The following OTOGL variants were observed in gnomAD, a reference collection of about 807,000 sequenced individuals.
The protein encoded by OTOGL is otogelin like.
A neutral mutation model predicts 318.5 loss-of-function variants in OTOGL; 285 were observed. The observed-to-expected ratio is 0.89, with a 90% confidence interval of 0.81 to 0.99. The LOEUF (loss-of-function observed/expected upper bound fraction) is 0.99, where lower values mean the gene tolerates loss of function less well. Among genes scored for constraint, OTOGL ranks in the 50% least tolerant of loss-of-function variants. The pLI is 0.00. For missense variants in OTOGL, 2,899 were observed against 2,845.6 expected, an observed-to-expected ratio of 1.02 and a Z score of -0.43; for synonymous variants, 987 against 936.5, an observed-to-expected ratio of 1.05 and a Z score of -0.99.
intron 7 of OTOGL, among the ~76,000 whole-genome samples, chr12:80,228,925 C>A (rs1434283043): frequency 1.3e-5 from 2 of 152,086 alleles, no homozygotes; most frequent in African/African-American, 2.4e-5. Flanking sequence ...ATACGGATGA[C>A]AAATGTGCTT....
intron 26 of OTOGL, among the ~76,000 whole-genome samples, chr12:80,289,617 T>C (rs1884890124): frequency 6.6e-6 from 1 of 152,122 alleles, no homozygotes; most frequent in African/African-American, 2.4e-5. Context: ...TCCAGAGAGG[T>C]AGTCTGGCCA....
At chr12:80,157,237 T>C (rs1457095421) in intron 1 of OTOGL, among the ~76,000 whole-genome samples, 2 of 152,212 alleles carry the variant, frequency 1.3e-5, no homozygotes, top group Non-Finnish European at 2.9e-5. Flanking sequence ...TTGTATGTCT[T>C]CTTTTGAGAA....
intron 26 of OTOGL, among the ~76,000 whole-genome samples, chr12:80,281,290 G>A (rs1884219451): frequency 6.6e-6 from 1 of 151,654 alleles, no homozygotes; most frequent in Non-Finnish European, 1.5e-5. Context: ...AGTGGAATTG[G>A]GTCCAGCTTT....
rs1282165678 is a variant in OTOGL, at chr12:80,238,885, T to C, written c.852T>C (p.Asn284=). ...CAGAAGACATCGCTATGTTTGCAAATAGTTGGTCGGTGCAAACTCCAGATG... is the reference window on the plus strand; with the variant it reads ...CAGAAGACATCGCTATGTTTGCAAACAGTTGGTCGGTGCAAACTCCAGATG... The part of the protein sequence containing the change: ...DYTEDIAMFA[N]SWSVQTPDDT... The change falls in exon 10 of 59, where the codon AAT becomes AAC. Residue 284 remains asparagine (N), a synonymous_variant. Coordinates refer to ENST00000547103, the MANE Select transcript of OTOGL (RefSeq NM_001378609.3). The C allele has an allele frequency of 6.4e-7, 1 of 1,573,618 alleles. No homozygotes were observed. Among genetic ancestry groups the C allele is most frequent in the Non-Finnish European group, 8.6e-7 (1 of 1,165,678 alleles).
intron 1 of OTOGL, among the ~76,000 whole-genome samples, chr12:80,194,527 A>G (rs1237353199): frequency 6.6e-6 from 1 of 152,178 alleles, no homozygotes; most frequent in Non-Finnish European, 1.5e-5. Context: ...TCCCATAACC[A>G]AAAACATAAT....
At chr12:80,276,766 T>A (rs1299094101) in intron 24 of OTOGL, among the ~76,000 whole-genome samples, 1 of 151,660 alleles carries the variant, frequency 6.6e-6, no homozygotes, top group Non-Finnish European at 1.5e-5. Context: ...TATAAATACG[T>A]TTCTTCAGTT....
intron 52 of OTOGL, among the ~76,000 whole-genome samples, chr12:80,359,400 A>G (rs1360851345): frequency 2.6e-5 from 4 of 152,206 alleles, no homozygotes; most frequent in Non-Finnish European, 5.9e-5. Flanking sequence ...CCTTAAATGT[A>G]TCCCGTGGTA....
Position 80,328,682 on chromosome 12 carries a change from C to A in OTOGL, c.4217C>A (p.Pro1406His). Residue 1406 changes from proline to histidine, a missense_variant, in exon 36 of 59, where the codon CCC becomes CAC. Pro to His is a moderately conservative substitution (Grantham distance 77). Transcript: ENST00000547103. Reference protein sequence around the residue: ...KFLPPVEGCLPYCPKNMILDE... With the variant: ...KFLPPVEGCLHYCPKNMILDE... Reference sequence around the variant, plus strand: ...ATGTAAAGGGTTGAAGGATGCTTGCCCTACTGCCCTAAAAATATGATCCTT... The same window carrying A: ...ATGTAAAGGGTTGAAGGATGCTTGCACTACTGCCCTAAAAATATGATCCTT... 2 of 1,603,774 alleles carry A rather than the reference C, an allele frequency of 1.2e-6. No individual in the cohort carries two copies. Among genetic ancestry groups the A allele is most frequent in the Non-Finnish European group, 1.7e-6 (2 of 1,170,990 alleles).
chr12:80,369,826 G>A (rs1039345634), intron 55 of OTOGL, among the ~76,000 whole-genome samples: 1 of 151,920 alleles, frequency 6.6e-6, no homozygotes, highest in Non-Finnish European at 1.5e-5. Context: ...AAAAAGAGAC[G>A]AATTTTCCAT....
intron 9 of OTOGL, among the ~76,000 whole-genome samples, chr12:80,236,816 C>CTTTT (rs1376942990): frequency 7.3e-6 from 1 of 137,626 alleles, no homozygotes; most frequent in African/African-American, 2.7e-5. Flanking sequence ...TTTTTCTTTT[C>CTTTT]TTTTTTTTTT....
intron 11 of OTOGL, among the ~76,000 whole-genome samples, chr12:80,247,271 G>A (rs1880997890): frequency 6.7e-6 from 1 of 148,724 alleles, no homozygotes; most frequent in African/African-American, 2.6e-5. Context: ...GTCAATTTTG[G>A]ATCTTTCCTG....
intron 1 of OTOGL, among the ~76,000 whole-genome samples, chr12:80,166,552 AC>A (rs1357057960): frequency 6.6e-6 from 1 of 152,198 alleles, no homozygotes; most frequent in Non-Finnish European, 1.5e-5. Context: ...TTTGATAAAT[AC>A]CTAACTTCTG....
chr12:80,125,043 C>T (rs943895378), intron 1 of OTOGL, among the ~76,000 whole-genome samples: 1 of 152,184 alleles, frequency 6.6e-6, no homozygotes, highest in African/African-American at 2.4e-5. Context: ...CTTCTCCTGC[C>T]TAATGGCCCT....
At chr12:80,257,626 G>A (rs1191211740) in intron 17 of OTOGL, among the ~76,000 whole-genome samples, 199 bp from the exon 18 acceptor site, 1 of 151,978 alleles carries the variant, frequency 6.6e-6, no homozygotes, top group Non-Finnish European at 1.5e-5. Flanking sequence ...AGGAAGGAGG[G>A]AGAAAAGGAG....
chr12:80,377,306 C>A (rs901924924), intron 58 of OTOGL, 104 bp downstream of exon 58: 1 of 683,044 alleles, frequency 1.5e-6, no homozygotes, highest in Non-Finnish European at 2.4e-6. Flanking sequence ...CAACGCTTAA[C>A]AATATTTAAC....
intron 24 of OTOGL, among the ~76,000 whole-genome samples, chr12:80,275,624 C>T (rs1384852486): frequency 6.6e-6 from 1 of 151,828 alleles, no homozygotes; most frequent in Non-Finnish European, 1.5e-5. Flanking sequence ...AGGTAAAACA[C>T]TATCAAATGC....
At chr12:80,344,055 G>A (rs1242075138) in intron 44 of OTOGL, among the ~76,000 whole-genome samples, 3 of 152,158 alleles carry the variant, frequency 2.0e-5, no homozygotes, top group African/African-American at 7.2e-5. Context: ...AAAGACGAAA[G>A]TATGAAGTCA....
chr12:80,262,161 T>A, intron 19 of OTOGL, 68 bp downstream of exon 19: 1 of 1,387,838 alleles, frequency 7.2e-7, no homozygotes, highest in Non-Finnish European at 9.6e-7. Context: ...TTACTATAAT[T>A]TTATAAAATT....
intron 19 of OTOGL, among the ~76,000 whole-genome samples, chr12:80,263,696 TAA>T (rs1007812786): frequency 2.7e-5 from 4 of 150,826 alleles, no homozygotes; most frequent in Admixed American, 2.6e-4. Flanking sequence ...GATTTTTTTT[TAA>T]AAAAATTCAA....
Sources: gnomAD v4.1 joint callset for allele counts (sites outside exome capture counted in the v4.1 genomes callset) on GRCh38, gnomAD v4.1.1 for gene constraint, MANE v1.5 for transcripts, NCBI Gene and HGNC (gene_info 2026-07-23, HGNC 2026-07-21) for gene names.